Variants in RIIAD1 observed in about 807,000 individuals in gnomAD.
RIIAD1 encodes regulatory subunit of type II PKA R-subunit domain containing 1.
RIIAD1 carries 15 observed loss-of-function variants against 13.3 expected under a neutral mutation model. The observed-to-expected ratio is 1.13, with a 90% CI of 0.76 to 1.74. The LOEUF (loss-of-function observed/expected upper bound fraction) is 1.74. Among genes scored for constraint, RIIAD1 ranks in the 40% most tolerant of loss-of-function variants. The pLI, the probability that RIIAD1 is intolerant of heterozygous loss-of-function variation, is 0.00. For missense variants in RIIAD1, 121 were observed against 112.2 expected, an observed-to-expected ratio of 1.08 and a Z score of -0.35; for synonymous variants, 50 against 43.3, an observed-to-expected ratio of 1.16 and a Z score of -0.61.
upstream of RIIAD1, chr1:151,721,392 C>G (rs1005043492): frequency 3.1e-5 from 13 of 414,252 alleles, no homozygotes; most frequent in African/African-American, 2.3e-4. Flanking sequence ...AGACCCACCC[C>G]CCAAGCCCCC....
chr1:151,721,432 GCCC>G, upstream of RIIAD1: 1 of 572,740 alleles, frequency 1.7e-6, no homozygotes. Context: ...AGTTCCCTCA[GCCC>G]CTAGCCCCTG....
At chr1:151,725,579 A>G (rs1673815566) in intron 2 of RIIAD1, among the ~76,000 whole-genome samples, 1 of 152,196 alleles carries the variant, frequency 6.6e-6, no homozygotes, top group Non-Finnish European at 1.5e-5. Context: ...AACCTTACCA[A>G]CACCTCACAT....
At chr1:151,711,887 G>A (rs922742907) in exon 2 of RIIAD1, 5 of 152,246 alleles carry the variant, frequency 3.3e-5, no homozygotes, top group Non-Finnish European at 5.9e-5. Context: ...GTTCCCTCCT[G>A]GCATAGGCTC....
At chr1:151,720,623 T>A (rs918086037), upstream of RIIAD1, among the ~76,000 whole-genome samples, 1 of 152,194 alleles carries the variant, frequency 6.6e-6, no homozygotes, top group Non-Finnish European at 1.5e-5. Flanking sequence ...GCTGAGCTTG[T>A]TTCTCATGGT....
chr1:151,729,603 GCT>G lies in RIIAD1; in HGVS notation c.*180_*181del, dbSNP rs1355229535. 6.6e-6 allele frequency: 1 copy of G among 152,190 alleles called. No individual in the cohort carries two copies. Among genetic ancestry groups the G allele is most frequent in the Non-Finnish European group, 1.5e-5 (1 of 68,052 alleles). The allele number at this position is 152,190 out of a possible 1,614,324, so 9.4% of individuals were successfully genotyped here. ...ATATTCATTAAACACGGACCTTCCT[GCT>G]CTCTCTGCTTTATTTCACTCAAGAG... On this transcript the variant is annotated 3_prime_UTR_variant, in exon 5 of 5. Coordinates refer to ENST00000479191, the MANE Select transcript of RIIAD1 (RefSeq NM_001144956.3).
intron 1 of RIIAD1, 64 bp downstream of exon 1, chr1:151,721,684 C>T: frequency 9.7e-7 from 1 of 1,030,880 alleles, no homozygotes; most frequent in Non-Finnish European, 1.3e-6. Flanking sequence ...ACTGGGGCCC[C>T]AGACTGGGAA....
chr1:151,714,602 G>T, intron 4 of RIIAD1: 1 of 1,555,506 alleles, frequency 6.4e-7, no homozygotes, highest in Non-Finnish European at 8.7e-7. Context: ...ACCCCTGGAA[G>T]CGTCTTCTGT....
intron 3 of RIIAD1, 192 bp from the exon 4 acceptor site, chr1:151,728,574 G>A: frequency 1.8e-6 from 1 of 552,344 alleles, no homozygotes; most frequent in Non-Finnish European, 3.2e-6. Context: ...GGAGCTGGCA[G>A]AATCAGAACT....
At chr1:151,719,321 C>T (rs1295230642), upstream of RIIAD1, among the ~76,000 whole-genome samples, 1 of 152,178 alleles carries the variant, frequency 6.6e-6, no homozygotes, top group Non-Finnish European at 1.5e-5. Context: ...TGGAAAGTTT[C>T]TCTCTAGGAG....
chr1:151,721,566 G>GC lies in RIIAD1; in HGVS notation c.33dup (p.Asp12ArgfsTer6), dbSNP rs758483723. Reference sequence around the variant, plus strand: ...AGACGCTGCCAGGCTTGCTGCAGCGGCCCGACCCCGGGGCGCTTAGCGCAG... The same window carrying GC: ...AGACGCTGCCAGGCTTGCTGCAGCGGCCCCGACCCCGGGGCGCTTAGCGCAG... On this transcript the variant is annotated frameshift_variant, in exon 1 of 5. Transcript: ENST00000479191. LOFTEE classifies it high-confidence loss of function. 3.0e-5 allele frequency: 40 copies of GC among 1,328,488 alleles called. No individual in the cohort carries two copies. The highest frequency in any genetic ancestry group is 3.9e-5 in the Non-Finnish European group (40 of 1,037,312). 82.3% of individuals were successfully genotyped at this position (1,328,488 alleles called of 1,614,324 possible). A position where few individuals can be genotyped will look rare whatever the true frequency, so the allele number is the denominator to read the frequency against.
chr1:151,719,004 T>C (rs1571947012), upstream of RIIAD1, among the ~76,000 whole-genome samples: 2 of 152,300 alleles, frequency 1.3e-5, no homozygotes, highest in South Asian at 4.1e-4. Context: ...TTGGGGCTAA[T>C]CATATTAATT....
intron 4 of RIIAD1, chr1:151,716,445 G>T: frequency 3.4e-6 from 1 of 294,306 alleles, no homozygotes; most frequent in Non-Finnish European, 6.7e-6. Context: ...GGAGACTGAG[G>T]GGTTAAGGGG....
In RIIAD1 at chr1:151,722,548, T is replaced by TC. The variant is rs377404347; in HGVS notation, c.161+391dup. On this transcript the variant is annotated intron_variant, in intron 2 of 4. Coordinates refer to ENST00000479191, the MANE Select transcript of RIIAD1 (RefSeq NM_001144956.3). ...CGTATCCTGGAATATGTTCTTTCCTTCCCCCACCCTCCTTTCAGCCTGGCA... is the reference window on the plus strand; with the variant it reads ...CGTATCCTGGAATATGTTCTTTCCTTCCCCCCACCCTCCTTTCAGCCTGGCA... Among the ~76,000 whole-genome samples the TC allele has an allele frequency of 2.4e-3, 372 of 152,182 alleles. 1 individual carries two copies. The highest frequency in any genetic ancestry group is 8.6e-3 in the African/African-American group (356 of 41,522).
intron 3 of RIIAD1, chr1:151,728,377 C>A (rs933317531): frequency 1.0e-4 from 23 of 227,806 alleles, no homozygotes; most frequent in Admixed American, 1.5e-4. Context: ...TTTATTTGGG[C>A]CCCAAGATGG....
At chr1:151,719,547 C>T (rs767953597), upstream of RIIAD1, 8 of 684,398 alleles carry the variant, frequency 1.2e-5, no homozygotes, top group Admixed American at 2.1e-5. Context: ...TATGTGTGGG[C>T]AGAGTGGCTA....
intron 1 of RIIAD1, 28 bp downstream of exon 1, chr1:151,721,648 G>A: frequency 4.8e-6 from 6 of 1,255,180 alleles, no homozygotes; most frequent in Non-Finnish European, 6.1e-6. Context: ...CCCATCCAGC[G>A]TCCACCAAAG....
At chr1:151,728,196 A>G (rs1036488686) in intron 3 of RIIAD1, among the ~76,000 whole-genome samples, 3 of 152,230 alleles carry the variant, frequency 2.0e-5, no homozygotes, top group African/African-American at 7.2e-5. Context: ...CGCCTTTGCT[A>G]GCGCAGCAGA....
chr1:151,716,214 G>T lies in RIIAD1; in HGVS notation c.21+1685G>T, dbSNP rs1007406863. On this transcript the variant is annotated intron_variant, in intron 4 of 8. Transcript: ENST00000326413. Reference sequence around the variant, plus strand: ...GAGGCCCAGGGAGTTGAGTGCTAGGGGTCAGGGGTCTAGGCAGACGCTGTC... The same window carrying T: ...GAGGCCCAGGGAGTTGAGTGCTAGGTGTCAGGGGTCTAGGCAGACGCTGTC... 1.0e-5 allele frequency: 6 copies of T among 572,132 alleles called. No homozygotes were observed. In the Admixed American group the frequency reaches 1.6e-4, roughly 15 times the overall value. 35.4% of individuals were successfully genotyped at this position (572,132 alleles called of 1,614,324 possible).
At chr1:151,724,088 G>A (rs1470019880) in intron 2 of RIIAD1, among the ~76,000 whole-genome samples, 1 of 152,218 alleles carries the variant, frequency 6.6e-6, no homozygotes, top group East Asian at 1.9e-4. Flanking sequence ...GAATAAGAAT[G>A]AGTTGTTTCA....
Sources: gnomAD v4.1 joint callset for allele counts (sites outside exome capture counted in the v4.1 genomes callset) on GRCh38, gnomAD v4.1.1 for gene constraint, MANE v1.5 for transcripts, NCBI Gene and HGNC (gene_info 2026-07-23, HGNC 2026-07-21) for gene names.